The following LGR5 variants were observed in gnomAD, a reference collection of about 807,000 sequenced individuals.
LGR5 encodes the protein leucine-rich repeat-containing G protein-coupled receptor 5.
Under a neutral mutation model 76.7 loss-of-function variants are expected in LGR5, and 54 were observed. That is an observed-to-expected ratio of 0.70 (90% CI 0.57 to 0.88). LGR5 has a LOEUF of 0.88. Among genes scored for constraint, LGR5 ranks in the 40% least tolerant of loss-of-function variants. The pLI is 0.00. For synonymous variants in LGR5, 406 were observed against 421.9 expected, an observed-to-expected ratio of 0.96 and a Z score of 0.46; for missense variants, 1,078 against 1,073.3, an observed-to-expected ratio of 1.00 and a Z score of -0.06.
intron 1 of LGR5, among the ~76,000 whole-genome samples, chr12:71,455,349 G>A (rs1378564511): frequency 6.6e-6 from 1 of 152,036 alleles, no homozygotes; most frequent in Admixed American, 6.6e-5. Context: ...AGTCATTCTA[G>A]GAGTCTACCA....
At position 71,440,112 on chromosome 12, in the gene LGR5, C is replaced by T. The variant is rs781180319; in HGVS notation, c.32C>T (p.Ser11Phe). ...ACCTCCCGGCTCGGTGTGCTCCTGT[C>T]CTTGCCTGTGCTGCTGCAGCTGGCG... The part of the protein sequence containing the change: MDTSRLGVLL[S>F]LPVLLQLATG... Residue 11 changes from serine to phenylalanine, a missense_variant, in exon 1 of 18, where the codon TCC (serine) becomes TTC (phenylalanine). By Grantham distance (155) the Ser-to-Phe change is radical (BLOSUM62 -2). Coordinates refer to ENST00000266674, the MANE Select transcript of LGR5 (RefSeq NM_003667.4). This position sits in a 1 kb window ranked among gnomAD's most constrained non-coding sequence, Gnocchi z 5.3. 5.0e-6 allele frequency: 8 copies of T among 1,606,786 alleles called. No homozygotes were observed. Among genetic ancestry groups the T allele is most frequent in the Non-Finnish European group, 6.8e-6 (8 of 1,179,858 alleles).
rs1183205543 is a variant in LGR5 at position 71,583,533 on chromosome 12, G to T, written c.1637-114G>T. 3 of 1,195,394 alleles carry T rather than the reference G, an allele frequency of 2.5e-6. No individual in the cohort carries two copies. In the African/African-American group the frequency reaches 4.6e-5, roughly 18 times the overall value. 74.0% of individuals were successfully genotyped at this position (1,195,394 alleles called of 1,614,324 possible). On this transcript the variant is annotated intron_variant, in intron 17 of 17. Coordinates refer to ENST00000266674, the MANE Select transcript of LGR5 (RefSeq NM_003667.4). ...TGCACATGGGCACTGTGTGTTATTA[G>T]GCTGTTTTTGACCATTATCTCTTGG...
At chr12:71,461,875 A>G (rs1872698871) in intron 1 of LGR5, among the ~76,000 whole-genome samples, 1 of 152,146 alleles carries the variant, frequency 6.6e-6, no homozygotes. Flanking sequence ...TCTGATGACC[A>G]TCCCCTTGTC....
chr12:71,544,735 T>C (rs945660962), intron 4 of LGR5, among the ~76,000 whole-genome samples: 3 of 152,154 alleles, frequency 2.0e-5, no homozygotes, highest in African/African-American at 7.2e-5. Flanking sequence ...CAGTAAAATT[T>C]TATCACAACA....
chr12:71,462,420 T>G (rs1210828081), intron 1 of LGR5, among the ~76,000 whole-genome samples: 2 of 152,192 alleles, frequency 1.3e-5, no homozygotes, highest in Admixed American at 6.5e-5. Context: ...TTGACCTTTC[T>G]GGCCTTATTT....
chr12:71,476,088 C>A (rs557166807), intron 1 of LGR5, among the ~76,000 whole-genome samples: 1 of 152,116 alleles, frequency 6.6e-6, no homozygotes, highest in Non-Finnish European at 1.5e-5. Flanking sequence ...TATTAGGACA[C>A]TATCCAGCCA....
chr12:71,529,571 C>A (rs188826842), intron 3 of LGR5, among the ~76,000 whole-genome samples: 88 of 152,246 alleles, frequency 5.8e-4, no homozygotes, highest in African/African-American at 2.0e-3. Context: ...ATTCTAGTAT[C>A]CATCTAGATC....
chr12:71,518,305 A>AT (rs2137329598), intron 2 of LGR5, among the ~76,000 whole-genome samples: 1 of 152,352 alleles, frequency 6.6e-6, no homozygotes, highest in Non-Finnish European at 1.5e-5. Flanking sequence ...ATGAGATACC[A>AT]TCTCACACCA....
chr12:71,502,301 G>T (rs1287589834), intron 1 of LGR5, among the ~76,000 whole-genome samples: 1 of 148,268 alleles, frequency 6.7e-6, no homozygotes, highest in Non-Finnish European at 1.5e-5. Flanking sequence ...GGGTTCAAAC[G>T]ATTCTCTTGC....
At chr12:71,486,995 G>A (rs1873858886) in intron 1 of LGR5, among the ~76,000 whole-genome samples, 1 of 152,102 alleles carries the variant, frequency 6.6e-6, no homozygotes, top group African/African-American at 2.4e-5. Flanking sequence ...GTCATTTCGG[G>A]TAAGAGATAG....
At position 71,474,119 on chromosome 12, in the gene LGR5, A is replaced by G. The variant is rs1873220406; in HGVS notation, c.213-30495A>G. On this transcript the variant is annotated intron_variant, in intron 1 of 17. Coordinates refer to ENST00000266674, the MANE Select transcript of LGR5 (RefSeq NM_003667.4). ...TGGCTTTTGAATGTACGTTGAATAT[A>G]TATTTCAATTCTATAAAAACTAAAT... Among the ~76,000 whole-genome samples the G allele has an allele frequency of 2.7e-5, 4 of 147,040 alleles. No homozygotes were observed. The Admixed American group carries it at 2.8e-4, about 10-fold the overall frequency.
rs942524730 is a variant in LGR5, at chr12:71,560,478, A to G, written c.785+824A>G. On this transcript the variant is annotated intron_variant, in intron 7 of 17. Transcript: ENST00000266674. ...TCGTTATCCCAGGGGTGGCAAAGGCAGAAGAAACCCCACATATAAGTGGAG... is the reference window on the plus strand; with the variant it reads ...TCGTTATCCCAGGGGTGGCAAAGGCGGAAGAAACCCCACATATAAGTGGAG... Among the ~76,000 whole-genome samples, 6 of 152,336 alleles carry G rather than the reference A, an allele frequency of 3.9e-5. No individual in the cohort carries two copies. In the East Asian group the frequency reaches 1.2e-3, roughly 29 times the overall value.
chr12:71,455,119 T>TA (rs1220721285), intron 1 of LGR5, among the ~76,000 whole-genome samples: 1 of 152,040 alleles, frequency 6.6e-6, no homozygotes, highest in African/African-American at 2.4e-5. Context: ...TCAAACCAAC[T>TA]AAATCACAAT....
chr12:71,517,901 A>G (rs1355253151), intron 2 of LGR5, among the ~76,000 whole-genome samples: 1 of 152,174 alleles, frequency 6.6e-6, no homozygotes. Flanking sequence ...CTCCTCTTTG[A>G]CTGCCTACAT....
intron 2 of LGR5, among the ~76,000 whole-genome samples, chr12:71,507,335 C>T (rs1874906329): frequency 6.6e-6 from 1 of 151,934 alleles, no homozygotes; most frequent in South Asian, 2.1e-4. Flanking sequence ...TCCAATAGCA[C>T]CTAGCACTGT....
At chr12:71,561,081 G>A (rs1360191180) in intron 7 of LGR5, among the ~76,000 whole-genome samples, 1 of 152,120 alleles carries the variant, frequency 6.6e-6, no homozygotes, top group African/African-American at 2.4e-5. Context: ...TGAGAAATAA[G>A]ACATACAGCT....
chr12:71,549,154 T>A (rs1877348708), intron 4 of LGR5, among the ~76,000 whole-genome samples: 1 of 152,242 alleles, frequency 6.6e-6, no homozygotes, highest in African/African-American at 2.4e-5. Context: ...TCCACAGTCT[T>A]AACCTTGTTG....
At chr12:71,546,057 A>T (rs1877141623) in intron 4 of LGR5, among the ~76,000 whole-genome samples, 1 of 152,192 alleles carries the variant, frequency 6.6e-6, no homozygotes, top group African/African-American at 2.4e-5. Flanking sequence ...TAATTGTTTG[A>T]GGCCTAGCAC....
chr12:71,489,875 C>T (rs1873988528), intron 1 of LGR5, among the ~76,000 whole-genome samples: 1 of 151,394 alleles, frequency 6.6e-6, no homozygotes, highest in African/African-American at 2.5e-5. Flanking sequence ...TCAGCCTGGG[C>T]AACATAGTGA....
Sources: allele counts gnomAD v4.1 joint callset (sites outside exome capture counted in the v4.1 genomes callset), GRCh38; gene constraint gnomAD v4.1.1; non-coding constraint Gnocchi (gnomAD v3.1); transcripts MANE v1.5; gene names NCBI Gene and HGNC (gene_info 2026-07-23, HGNC 2026-07-21).